The following EPHA3 variants were observed in gnomAD, a reference collection of about 807,000 sequenced individuals.
EPHA3 encodes the protein EPH receptor A3, also known as ephrin type-A receptor 3.
In EPHA3, 42 loss-of-function variants were observed where a neutral mutation model predicts 107.1. The observed-to-expected ratio is 0.39, with a 90% CI of 0.31 to 0.51. The LOEUF is 0.51. EPHA3 is among the 20% of genes least tolerant of loss of function. The probability of loss-of-function intolerance (pLI) is 0.78; values close to 1 mark genes in which losing one functional copy is unlikely to be tolerated. For missense variants in EPHA3, 1,183 were observed against 1,211.2 expected, an observed-to-expected ratio of 0.98 and a Z score of 0.35; for synonymous variants, 461 against 424.8, an observed-to-expected ratio of 1.09 and a Z score of -1.05.
At chr3:89,278,076 T>A (rs1705852732) in intron 3 of EPHA3, among the ~76,000 whole-genome samples, 1 of 152,338 alleles carries the variant, frequency 6.6e-6, no homozygotes, top group East Asian at 1.9e-4. Context: ...GTTGCCTTTC[T>A]AAAAACATGT....
chr3:89,124,663 C>G (rs1704052802), intron 1 of EPHA3, among the ~76,000 whole-genome samples: 1 of 151,890 alleles, frequency 6.6e-6, no homozygotes, highest in South Asian at 2.1e-4. Context: ...AGAAGGAAGT[C>G]TGTACAGCAT....
intron 2 of EPHA3, among the ~76,000 whole-genome samples, chr3:89,171,932 C>A (rs1705218763): frequency 6.6e-6 from 1 of 152,066 alleles, no homozygotes; most frequent in Admixed American, 6.5e-5. Context: ...TAGACAGAAG[C>A]CCTCTGTTTG....
chr3:89,166,463 A>G (rs1394189008), intron 2 of EPHA3, among the ~76,000 whole-genome samples: 1 of 152,186 alleles, frequency 6.6e-6, no homozygotes, highest in African/African-American at 2.4e-5. Context: ...AAAGTCTTTA[A>G]ATTATAATAA....
chr3:89,367,607 C>T (rs1395641378), intron 5 of EPHA3, among the ~76,000 whole-genome samples: 4 of 150,694 alleles, frequency 2.7e-5, no homozygotes, highest in African/African-American at 9.7e-5. Context: ...TTCTTAGCCT[C>T]GAAATTAAGA....
chr3:89,449,200 T>C (rs752895947), intron 13 of EPHA3, 25 bp from the exon 14 acceptor site: 2 of 1,592,110 alleles, frequency 1.3e-6, no homozygotes, highest in Non-Finnish European at 1.7e-6. Flanking sequence ...TGCTGATTTA[T>C]GTAGACATGA....
chr3:89,208,423 G>GAAGGAAGGAAGAAAGAAAGAAAGA (rs74193305), intron 2 of EPHA3, among the ~76,000 whole-genome samples: 5 of 37,536 alleles, frequency 1.3e-4, no homozygotes, highest in Admixed American at 3.8e-4. Context: ...AGGAAGGAAG[G>GAAGGAAGGAAGAAAGAAAGAAAGA]AAGAAAGAAA....
At chr3:89,254,981 G>A (rs906062040) in intron 3 of EPHA3, among the ~76,000 whole-genome samples, 3 of 152,130 alleles carry the variant, frequency 2.0e-5, no homozygotes, top group Admixed American at 2.0e-4. Context: ...ATAATATTGT[G>A]TCAGTAGAAA....
intron 2 of EPHA3, among the ~76,000 whole-genome samples, chr3:89,167,467 C>T (rs1705099397): frequency 6.6e-6 from 1 of 151,802 alleles, no homozygotes; most frequent in South Asian, 2.1e-4. Flanking sequence ...CTATTTCTCT[C>T]CCCTATGTGG....
intron 16 of EPHA3, among the ~76,000 whole-genome samples, chr3:89,478,212 T>G (rs186616912): frequency 6.6e-6 from 1 of 152,328 alleles, no homozygotes; most frequent in East Asian, 1.9e-4. Context: ...GACTTTAAAT[T>G]ATTATATATT....
At chr3:89,207,444 A>G (rs1706131547) in intron 2 of EPHA3, among the ~76,000 whole-genome samples, 1 of 152,226 alleles carries the variant, frequency 6.6e-6, no homozygotes, top group Admixed American at 6.5e-5. Flanking sequence ...CGATGGACCA[A>G]TGTAGCAAAC....
At chr3:89,175,507 T>C (rs1209913536) in intron 2 of EPHA3, among the ~76,000 whole-genome samples, 3 of 152,130 alleles carry the variant, frequency 2.0e-5, no homozygotes, top group Admixed American at 6.5e-5. Context: ...TAAACATATA[T>C]ATTTTAGTAT....
At chr3:89,260,621 G>T (rs577048970) in intron 3 of EPHA3, among the ~76,000 whole-genome samples, 1 of 152,152 alleles carries the variant, frequency 6.6e-6, no homozygotes, top group South Asian at 2.1e-4. Flanking sequence ...TTTCCAGTCT[G>T]CAGGCTGCCC....
At chr3:89,200,754 A>G (rs976677213) in intron 2 of EPHA3, among the ~76,000 whole-genome samples, 2 of 152,184 alleles carry the variant, frequency 1.3e-5, no homozygotes, top group African/African-American at 2.4e-5. Context: ...GAGTGTTCAC[A>G]TCGTCCCCAT....
chr3:89,143,429 C>G (rs1704472949), intron 2 of EPHA3, among the ~76,000 whole-genome samples: 1 of 151,410 alleles, frequency 6.6e-6, no homozygotes. Context: ...CAAAAGAAAG[C>G]TAGAAACAAG....
At chr3:89,422,237 C>T (rs1037319169) in intron 11 of EPHA3, among the ~76,000 whole-genome samples, 14 of 128,500 alleles carry the variant, frequency 1.1e-4, no homozygotes, top group African/African-American at 1.8e-4. Flanking sequence ...ACACACAGAG[C>T]GATTGTGTTT....
intron 2 of EPHA3, among the ~76,000 whole-genome samples, chr3:89,206,223 A>T (rs1006357133): frequency 3.3e-5 from 5 of 152,150 alleles, no homozygotes; most frequent in African/African-American, 1.2e-4. Flanking sequence ...TCTTCTTGCA[A>T]TGTACACCTC....
At chr3:89,381,639 A>C (rs1708511592) in intron 5 of EPHA3, among the ~76,000 whole-genome samples, 1 of 152,060 alleles carries the variant, frequency 6.6e-6, no homozygotes, top group African/African-American at 2.4e-5. Flanking sequence ...ACAGCACTCC[A>C]GCCTGGGTGA....
intron 3 of EPHA3, among the ~76,000 whole-genome samples, chr3:89,250,006 A>G (rs572690203): frequency 6.6e-5 from 10 of 152,264 alleles, no homozygotes; most frequent in Non-Finnish European, 1.3e-4. Context: ...ACATCACCAG[A>G]CTTACTAGCT....
chr3:89,258,611 CAT>C (rs1158931379), intron 3 of EPHA3, among the ~76,000 whole-genome samples: 1 of 152,056 alleles, frequency 6.6e-6, no homozygotes. Context: ...AAAATACAGA[CAT>C]AAAGAAATAC....
Sources: gnomAD v4.1 joint callset for allele counts (sites outside exome capture counted in the v4.1 genomes callset) on GRCh38, gnomAD v4.1.1 for gene constraint, MANE v1.5 for transcripts, NCBI Gene and HGNC (gene_info 2026-07-23, HGNC 2026-07-21) for gene names.